Variants in DGKB observed in about 807,000 individuals in gnomAD.
DGKB encodes the protein diacylglycerol kinase beta.
Under a neutral mutation model 114.3 loss-of-function variants are expected in DGKB, and 67 were observed. The observed-to-expected ratio is 0.59, with a 90% confidence interval of 0.48 to 0.72. DGKB has a LOEUF of 0.72. Among genes scored for constraint, DGKB ranks in the 30% least tolerant of loss-of-function variants. The pLI, the probability that DGKB is intolerant of heterozygous loss-of-function variation, is 0.00. For synonymous variants in DGKB, 398 were observed against 323.1 expected (o/e 1.23, Z -2.49); for missense variants, 907 against 975.2 (o/e 0.93, Z 0.93).
At chr7:14,883,026 G>A (rs1315993671) in intron 1 of DGKB, among the ~76,000 whole-genome samples, 1 of 151,886 alleles carries the variant, frequency 6.6e-6, no homozygotes, top group Admixed American at 6.6e-5. Context: ...AAAGGTAATG[G>A]CTGAAGATTT....
intron 23 of DGKB, among the ~76,000 whole-genome samples, chr7:14,209,746 G>A (rs1562622290): frequency 6.6e-6 from 1 of 152,058 alleles, no homozygotes; most frequent in Non-Finnish European, 1.5e-5. Flanking sequence ...ATATCCTTTT[G>A]ATTAAACAGA....
chr7:14,703,018 T>A (rs567184811), intron 6 of DGKB, among the ~76,000 whole-genome samples: 2 of 150,668 alleles, frequency 1.3e-5, no homozygotes, highest in African/African-American at 4.9e-5. Context: ...TAAATATCTG[T>A]ATTGTAAATC....
chr7:14,914,530 T>C (rs1447146483), intron 1 of DGKB, among the ~76,000 whole-genome samples: 2 of 152,116 alleles, frequency 1.3e-5, no homozygotes, highest in Non-Finnish European at 2.9e-5. Flanking sequence ...CCTAGCCACA[T>C]TGACATAAAT....
chr7:14,807,761 C>G (rs1228343940), intron 2 of DGKB, among the ~76,000 whole-genome samples: 1 of 151,924 alleles, frequency 6.6e-6, no homozygotes, highest in African/African-American at 2.4e-5. Context: ...AGTATTATTG[C>G]TCTTTAAAGC....
In DGKB at chr7:14,641,884, C is replaced by CA. The variant is rs1811873364; in HGVS notation, c.1135-11617dup. Reference sequence around the variant, plus strand: ...AAAATTAGAAATCATTTTGTCCAGCCAAAAAATTGCATGCAAATTGCACCA... The same window carrying CA: ...AAAATTAGAAATCATTTTGTCCAGCCAAAAAAATTGCATGCAAATTGCACCA... On this transcript the variant is annotated intron_variant, in intron 13 of 25. Coordinates refer to ENST00000402815, the MANE Select transcript of DGKB (RefSeq NM_001350709.2). Among the ~76,000 whole-genome samples, 4 of 151,964 alleles carry CA rather than the reference C, an allele frequency of 2.6e-5. No homozygotes were observed. The South Asian group carries it at 8.3e-4, about 31-fold the overall frequency.
intron 21 of DGKB, among the ~76,000 whole-genome samples, chr7:14,426,804 A>G (rs1365257196): frequency 6.6e-6 from 1 of 151,964 alleles, no homozygotes; most frequent in East Asian, 1.9e-4. Flanking sequence ...CCTGTAATCC[A>G]AGCACTTTGG....
At chr7:14,173,855 T>G (rs1781358349) in intron 25 of DGKB, among the ~76,000 whole-genome samples, 1 of 152,130 alleles carries the variant, frequency 6.6e-6, no homozygotes, top group South Asian at 2.1e-4. Context: ...AATAAATGTT[T>G]TAAATGAATA....
At chr7:14,856,598 T>A (rs1256143526) in intron 1 of DGKB, among the ~76,000 whole-genome samples, 1 of 152,132 alleles carries the variant, frequency 6.6e-6, no homozygotes, top group African/African-American at 2.4e-5. Flanking sequence ...GATGTATTCA[T>A]ATTAGTGCAC....
At chr7:14,613,289 A>T in intron 16 of DGKB, 51 bp downstream of exon 16, 4 of 1,127,560 alleles carry the variant, frequency 3.5e-6, no homozygotes, top group Non-Finnish European at 5.1e-6. Flanking sequence ...AGTTTTGTCT[A>T]TTTTTTTACA....
intron 1 of DGKB, among the ~76,000 whole-genome samples, chr7:14,899,180 C>G (rs768161988): frequency 6.6e-6 from 1 of 152,118 alleles, no homozygotes; most frequent in Non-Finnish European, 1.5e-5. Context: ...TTTATCCTCA[C>G]CAGTTAAAGA....
intron 2 of DGKB, among the ~76,000 whole-genome samples, chr7:14,798,905 A>T (rs954735915): frequency 2.6e-5 from 4 of 152,200 alleles, no homozygotes; most frequent in African/African-American, 9.7e-5. Flanking sequence ...GGAAGACAAT[A>T]CTACCGTCAA....
At chr7:14,828,746 G>A (rs1488722399) in intron 2 of DGKB, among the ~76,000 whole-genome samples, 2 of 152,118 alleles carry the variant, frequency 1.3e-5, no homozygotes, top group African/African-American at 4.8e-5. Flanking sequence ...AACAGATGAA[G>A]ACAAATTCTG....
chr7:14,348,606 T>TA (rs1031958653), intron 21 of DGKB, among the ~76,000 whole-genome samples: 57 of 151,410 alleles, frequency 3.8e-4, no homozygotes, highest in Admixed American at 9.9e-4. Context: ...TTAAAAAAAG[T>TA]AAAAAAAATC....
At chr7:14,369,795 A>T (rs1817324591) in intron 21 of DGKB, among the ~76,000 whole-genome samples, 1 of 152,144 alleles carries the variant, frequency 6.6e-6, no homozygotes, top group African/African-American at 2.4e-5. Flanking sequence ...AATTCGTTTA[A>T]GTTCCTTGTA....
intron 13 of DGKB, among the ~76,000 whole-genome samples, chr7:14,642,416 CA>C (rs1285667189): frequency 1.3e-5 from 2 of 151,908 alleles, no homozygotes; most frequent in African/African-American, 4.8e-5. Flanking sequence ...TCTTTAATAC[CA>C]AAAGGCACTT....
intron 2 of DGKB, among the ~76,000 whole-genome samples, chr7:14,764,117 T>C (rs532311540): frequency 6.6e-6 from 1 of 152,038 alleles, no homozygotes; most frequent in South Asian, 2.1e-4. Flanking sequence ...AAAAGCATTT[T>C]TTCAGGAACT....
At chr7:14,776,638 T>G (rs959173425) in intron 2 of DGKB, among the ~76,000 whole-genome samples, 8 of 152,168 alleles carry the variant, frequency 5.3e-5, no homozygotes, top group Admixed American at 6.5e-5. Context: ...AGTCAAGAAT[T>G]GAGATTTGGA....
Position 14,757,700 on chromosome 7 carries a change from T to G in DGKB, c.102A>C (p.Glu34Asp). The G allele has an allele frequency of 6.2e-7, 1 of 1,605,438 alleles. No homozygotes were observed. Among genetic ancestry groups the G allele is most frequent in the Non-Finnish European group, 8.5e-7 (1 of 1,173,932 alleles). Residue 34 changes from glutamate (E) to aspartate (D), a missense_variant, in exon 3 of 26, where the codon GAA (glutamate) becomes GAC (aspartate). Physicochemically the swap from Glu to Asp is conservative, Grantham distance 45. Around this residue, in one of 3 missense-constraint regions of DGKB, gnomAD observed 814 missense variants for 856.6 expected, o/e 0.95. Transcript: ENST00000402815. Reference protein sequence around the residue: ...YSTKKLKDVLEEFHGNGVLAK... With the variant: ...YSTKKLKDVLDEFHGNGVLAK... ...CAAGCACACCATTACCATGGAATTC[T>G]TCAAGAACATCCTTTAATTTCTTTG...
intron 3 of DGKB, among the ~76,000 whole-genome samples, chr7:14,755,904 C>T (rs17168392): frequency 0.021 from 3,120 of 151,846 alleles, 103 homozygotes; most frequent in African/African-American, 0.072. Context: ...TTCAACTGTT[C>T]GTTATTTTAA....
Sources: allele counts gnomAD v4.1 joint callset (sites outside exome capture counted in the v4.1 genomes callset), GRCh38; gene constraint gnomAD v4.1.1; regional missense constraint gnomAD v4.1.1; transcripts MANE v1.5; gene names NCBI Gene and HGNC (gene_info 2026-07-23, HGNC 2026-07-21).